The following FOXO3 variants were observed in gnomAD, a reference collection of about 807,000 sequenced individuals.
FOXO3 encodes the protein forkhead box protein O3.
Under a neutral mutation model 41.9 loss-of-function variants are expected in FOXO3, and 4 were observed. The observed-to-expected ratio is 0.10, with a 90% CI of 0.05 to 0.22. The LOEUF (loss-of-function observed/expected upper bound fraction) is 0.22. Ranked by LOEUF, FOXO3 falls within the 10% of genes least tolerant of loss-of-function variation. FOXO3 has a pLI of 1.00. For synonymous variants in FOXO3, 318 were observed against 389.3 expected (o/e 0.82, Z 2.16); for missense variants, 534 against 906.8 (o/e 0.59, Z 5.28).
chr6:108,604,926 T>TA (rs764466318), intron 1 of FOXO3, among the ~76,000 whole-genome samples: 37 of 152,286 alleles, frequency 2.4e-4, no homozygotes, highest in Non-Finnish European at 4.9e-4. Flanking sequence ...GAGAAAAAGG[T>TA]ATTTGAAGTC....
chr6:108,630,015 A>G (rs1406940719), intron 1 of FOXO3, among the ~76,000 whole-genome samples: 1 of 152,218 alleles, frequency 6.6e-6, no homozygotes, highest in Non-Finnish European at 1.5e-5. Context: ...ATGTTTTTAA[A>G]CATGACCAGT....
chr6:108,682,677 G>A lies in FOXO3; in HGVS notation c.*2885G>A, dbSNP rs540842661. The A allele has an allele frequency of 7.9e-5, 12 of 152,408 alleles. No homozygotes were observed. The East Asian group carries it at 2.3e-3, about 29-fold the overall frequency. The allele number at this position is 152,408 out of a possible 1,614,324, so 9.4% of individuals were successfully genotyped here. Reference sequence around the variant, plus strand: ...ATGTTGAGACCCTGCTTTCAGGACAGGCCAGCCGTTGGCCACCATGTCACA... The same window carrying A: ...ATGTTGAGACCCTGCTTTCAGGACAAGCCAGCCGTTGGCCACCATGTCACA... On this transcript the variant is annotated 3_prime_UTR_variant, in exon 3 of 3. Transcript: ENST00000406360.
intron 1 of FOXO3, among the ~76,000 whole-genome samples, chr6:108,595,345 C>T (rs1001875933): frequency 5.3e-5 from 8 of 152,218 alleles, no homozygotes; most frequent in African/African-American, 1.7e-4. Context: ...CCTCTCCCTT[C>T]TTCAGCTTAA....
At chr6:108,625,559 A>G (rs1044941354) in intron 1 of FOXO3, among the ~76,000 whole-genome samples, 1 of 152,256 alleles carries the variant, frequency 6.6e-6, no homozygotes, top group Non-Finnish European at 1.5e-5. Flanking sequence ...GGTTAAAAAG[A>G]TGATGGAAGG....
At chr6:108,582,504 CAG>C (rs1776448845) in intron 1 of FOXO3, among the ~76,000 whole-genome samples, 1 of 152,142 alleles carries the variant, frequency 6.6e-6, no homozygotes, top group Non-Finnish European at 1.5e-5. Flanking sequence ...GCCATGTAAA[CAG>C]AGATGTTCCT....
At chr6:108,660,266 T>G (rs1253349095) in intron 1 of FOXO3, among the ~76,000 whole-genome samples, 1 of 152,220 alleles carries the variant, frequency 6.6e-6, no homozygotes, top group Non-Finnish European at 1.5e-5. Context: ...TCATACCTAT[T>G]GCATAGAGAA....
chr6:108,651,343 C>T (rs1582815682), intron 1 of FOXO3, among the ~76,000 whole-genome samples: 1 of 152,152 alleles, frequency 6.6e-6, no homozygotes, highest in East Asian at 1.9e-4. Context: ...GCACACTTGT[C>T]TGTTTTATAA....
intron 1 of FOXO3, among the ~76,000 whole-genome samples, chr6:108,641,674 A>G (rs577888827): frequency 2.6e-5 from 4 of 152,150 alleles, no homozygotes; most frequent in Admixed American, 1.3e-4. Context: ...GGTTGCTCCC[A>G]TAGCAAGCAG....
At chr6:108,604,261 AAT>A (rs1777131539) in intron 1 of FOXO3, among the ~76,000 whole-genome samples, 1 of 152,216 alleles carries the variant, frequency 6.6e-6, no homozygotes, top group South Asian at 2.1e-4. Context: ...TGAAATAAGT[AAT>A]AAAGAAAAAC....
At chr6:108,605,145 G>A (rs953372469) in intron 1 of FOXO3, among the ~76,000 whole-genome samples, 1 of 151,890 alleles carries the variant, frequency 6.6e-6, no homozygotes, top group Non-Finnish European at 1.5e-5. Flanking sequence ...CTGAGACGGA[G>A]TCTCATTCTG....
At chr6:108,577,995 T>C (rs1776308319) in intron 1 of FOXO3, among the ~76,000 whole-genome samples, 1 of 152,236 alleles carries the variant, frequency 6.6e-6, no homozygotes, top group African/African-American at 2.4e-5. Flanking sequence ...CAGGAATTTT[T>C]AAGAAGAGAT....
intron 1 of FOXO3, among the ~76,000 whole-genome samples, chr6:108,659,108 C>T (rs1345721633): frequency 6.6e-6 from 1 of 152,046 alleles, no homozygotes; most frequent in Non-Finnish European, 1.5e-5. Flanking sequence ...TGGTCTTGAA[C>T]TCCTGAGCTC....
At chr6:108,660,070 G>C (rs575161239) in intron 1 of FOXO3, among the ~76,000 whole-genome samples, 4 of 152,242 alleles carry the variant, frequency 2.6e-5, no homozygotes, top group African/African-American at 9.6e-5. Flanking sequence ...TAACGCAGAG[G>C]GGGCTGGACA....
intron 1 of FOXO3, among the ~76,000 whole-genome samples, chr6:108,611,974 C>A (rs781659858): frequency 3.3e-5 from 5 of 152,044 alleles, no homozygotes; most frequent in Non-Finnish European, 5.9e-5. Flanking sequence ...TATTTCTAGA[C>A]CCTCTGTTCT....
At chr6:108,633,245 A>G (rs1284041452) in intron 1 of FOXO3, among the ~76,000 whole-genome samples, 1 of 152,182 alleles carries the variant, frequency 6.6e-6, no homozygotes, top group African/African-American at 2.4e-5. Flanking sequence ...CAATGTGATC[A>G]CAGTGAAAAA....
chr6:108,587,953 T>A (rs543507561), intron 1 of FOXO3, among the ~76,000 whole-genome samples: 8 of 152,304 alleles, frequency 5.3e-5, no homozygotes, highest in Non-Finnish European at 8.8e-5. Context: ...TCCCCCATCC[T>A]CCCTCCTCCT....
rs1247750516 is a variant in FOXO3, at chr6:108,653,283, A to AT, written c.622-10166dup. On this transcript the variant is annotated intron_variant, in intron 1 of 2. Transcript: ENST00000406360. ...TTAATTCAATGGTTAAACAGATACA[A>AT]TTTTTTGACCCCCTACTATGTACCA... Among the ~76,000 whole-genome samples, 7 of 152,252 alleles carry AT rather than the reference A, an allele frequency of 4.6e-5. No homozygotes were observed. The East Asian group carries it at 1.4e-3, about 29-fold the overall frequency.
chr6:108,645,429 A>AT (rs540879181), intron 1 of FOXO3, among the ~76,000 whole-genome samples: 116 of 143,596 alleles, frequency 8.1e-4, no homozygotes, highest in Non-Finnish European at 1.3e-3. Flanking sequence ...CCCATGATTC[A>AT]TTTTTTTTGT....
chr6:108,668,491 G>C (rs1012068110), intron 2 of FOXO3, among the ~76,000 whole-genome samples: 3 of 152,142 alleles, frequency 2.0e-5, no homozygotes, highest in African/African-American at 7.2e-5. Flanking sequence ...CTGCAAGCTC[G>C]AGCTTCCGGT....
Sources: gnomAD v4.1 joint callset for allele counts (sites outside exome capture counted in the v4.1 genomes callset) on GRCh38, gnomAD v4.1.1 for gene constraint, MANE v1.5 for transcripts, NCBI Gene and HGNC (gene_info 2026-07-23, HGNC 2026-07-21) for gene names.